LGALS9: variants seen among roughly 807,000 people sequenced by gnomAD.
The protein encoded by LGALS9 is galectin 9, also known as galectin-9.
A neutral mutation model predicts 35.9 loss-of-function variants in LGALS9; 26 were observed. The observed-to-expected ratio is 0.72, with a 90% CI of 0.53 to 1.01. The LOEUF (loss-of-function observed/expected upper bound fraction) is 1.01, where lower values mean the gene tolerates loss of function less well. Ranked by LOEUF, LGALS9 falls within the 50% of genes least tolerant of loss-of-function variation. The pLI, the probability that LGALS9 is intolerant of heterozygous loss-of-function variation, is 0.00. For synonymous variants in LGALS9, 149 were observed against 172.2 expected, an observed-to-expected ratio of 0.87 and a Z score of 1.06; for missense variants, 347 against 445.8, an observed-to-expected ratio of 0.78 and a Z score of 1.99.
intron 4 of LGALS9, chr17:27,642,550 G>A (rs1488778307): frequency 8.7e-6 from 10 of 1,142,902 alleles, no homozygotes; most frequent in Non-Finnish European, 1.2e-5. Context: ...TCTCTGTCCG[G>A]AACACCTGCC....
chr17:27,646,946 C>T, intron 8 of LGALS9, 84 bp from the exon 9 acceptor site: 1 of 1,586,598 alleles, frequency 6.3e-7, no homozygotes, highest in Non-Finnish European at 8.6e-7. Flanking sequence ...TGGGCTTCTT[C>T]TCAGCTGACA....
intron 1 of LGALS9, among the ~76,000 whole-genome samples, chr17:27,632,535 G>A (rs999223258): frequency 6.6e-6 from 1 of 152,248 alleles, no homozygotes; most frequent in East Asian, 1.9e-4. Flanking sequence ...GCACAGAGGG[G>A]GCTGGGGGAA....
In LGALS9 at chr17:27,647,257, C is replaced by A; in HGVS notation, c.759-13C>A. The A allele has an allele frequency of 6.2e-7, 1 of 1,613,628 alleles. No homozygotes were observed. Among genetic ancestry groups the A allele is most frequent in the Non-Finnish European group, 8.5e-7 (1 of 1,180,034 alleles). On this transcript the variant is annotated splice_polypyrimidine_tract_variant and intron_variant, in intron 9 of 10. Transcript: ENST00000395473. ...TTCGGTGGATAAAGGTTCAGGTGGG[C>A]TGCCCACCCCAGGTTCCACATCAAC...
Position 27,631,321 on chromosome 17 carries a change from T to C in LGALS9, c.39+17T>C, listed in dbSNP as rs1377047649. The C allele has an allele frequency of 6.2e-7, 1 of 1,614,032 alleles. No individual in the cohort carries two copies. The highest frequency in any genetic ancestry group is 8.5e-7 in the Non-Finnish European group (1 of 1,179,992). The stretch of plus-strand genomic sequence containing the variant: ...CTGAGTCCAGTGAGTTCCAGGGCTA[T>C]GGGCACAGGGCTGCCTCAGCCAGAG... On this transcript the variant is annotated intron_variant, in intron 1 of 10. Coordinates refer to ENST00000395473, the MANE Select transcript of LGALS9 (RefSeq NM_009587.3).
chr17:27,636,483 G>T (rs558279856), intron 1 of LGALS9, among the ~76,000 whole-genome samples: 26 of 152,196 alleles, frequency 1.7e-4, no homozygotes, highest in Non-Finnish European at 7.4e-5. Flanking sequence ...AATTTGGGGG[G>T]TTTCAAGACA....
intron 2 of LGALS9, 107 bp from the exon 3 acceptor site, chr17:27,640,465 G>T (rs888093529): frequency 6.7e-7 from 1 of 1,490,554 alleles, no homozygotes; most frequent in Non-Finnish European, 9.3e-7. Flanking sequence ...CATACAGGTT[G>T]TGTGCAAGAT....
Position 27,649,146 on chromosome 17 carries a change from G to A in LGALS9, c.*164G>A. 6.2e-6 allele frequency: 7 copies of A among 1,129,732 alleles called. No homozygotes were observed. The highest frequency in any genetic ancestry group is 8.8e-6 in the Non-Finnish European group (7 of 796,114). 70.0% of individuals were successfully genotyped at this position (1,129,732 alleles called of 1,614,324 possible). A position where few individuals can be genotyped will look rare whatever the true frequency, so the allele number is the denominator to read the frequency against. On this transcript the variant is annotated 3_prime_UTR_variant, in exon 11 of 11. Coordinates refer to ENST00000395473, the MANE Select transcript of LGALS9 (RefSeq NM_009587.3). ...CCTGCTTCTGGCTACAGCCACCCTG[G>A]AACGGAGAAGGCAGCTGACGGGGAT...
intron 1 of LGALS9, among the ~76,000 whole-genome samples, chr17:27,636,435 C>T (rs1304941210): frequency 6.6e-6 from 1 of 152,134 alleles, no homozygotes; most frequent in African/African-American, 2.4e-5. Context: ...GATACCATTC[C>T]ATTTCAAATA....
Position 27,649,317 on chromosome 17 carries a change from C to T in LGALS9, c.*335C>T, listed in dbSNP as rs1295502499. ...TCCCCTCCCATCCCCCACGCAGCTC[C>T]ACCCCAGTCCCAAGCCACCAGCTGT... On this transcript the variant is annotated 3_prime_UTR_variant, in exon 11 of 11. Coordinates refer to ENST00000395473, the MANE Select transcript of LGALS9 (RefSeq NM_009587.3). The T allele has an allele frequency of 2.0e-5, 8 of 391,024 alleles. No individual in the cohort carries two copies. Among genetic ancestry groups the T allele is most frequent in the Middle Eastern group, 7.6e-4 (1 of 1,312 alleles). The allele number at this position is 391,024 out of a possible 1,614,324, so 24.2% of individuals were successfully genotyped here. A position where few individuals can be genotyped will look rare whatever the true frequency, so the allele number is the denominator to read the frequency against.
chr17:27,635,272 C>CA (rs2074435127), intron 1 of LGALS9, among the ~76,000 whole-genome samples: 13 of 152,070 alleles, frequency 8.5e-5, no homozygotes, highest in Admixed American at 3.9e-4. Flanking sequence ...CCCATCTTTA[C>CA]AAAAAATATT....
intron 1 of LGALS9, among the ~76,000 whole-genome samples, chr17:27,636,186 C>T (rs898618593): frequency 6.6e-6 from 1 of 152,158 alleles, no homozygotes; most frequent in African/African-American, 2.4e-5. Context: ...CAATACAGAC[C>T]AGAAAGCAGT....
intron 10 of LGALS9, among the ~76,000 whole-genome samples, chr17:27,647,860 A>G (rs749802127): frequency 3.9e-5 from 6 of 152,244 alleles, no homozygotes; most frequent in Non-Finnish European, 7.3e-5. Flanking sequence ...GGAAAGAACA[A>G]GGAAAGTAAA....
intron 9 of LGALS9, 47 bp from the exon 10 acceptor site, chr17:27,647,223 G>C: frequency 6.2e-7 from 1 of 1,613,522 alleles, no homozygotes; most frequent in Non-Finnish European, 8.5e-7. Context: ...GAGGAAATGG[G>C]ACTCAGAATT....
At chr17:27,636,977 A>G (rs187595238) in intron 1 of LGALS9, among the ~76,000 whole-genome samples, 119 of 152,144 alleles carry the variant, frequency 7.8e-4, no homozygotes, top group Admixed American at 2.3e-3. Context: ...CACAGTCCCC[A>G]CCACTCCCCC....
intron 1 of LGALS9, among the ~76,000 whole-genome samples, chr17:27,637,547 G>A (rs917204378): frequency 4.6e-5 from 7 of 152,198 alleles, no homozygotes; most frequent in Admixed American, 4.6e-4. Flanking sequence ...GGATGGGTGG[G>A]GAAACCACGC....
Position 27,640,545 on chromosome 17 carries a change from AAG to A in LGALS9, c.132-25_132-24del, listed in dbSNP as rs1904390421. 3 of 1,613,828 alleles carry A rather than the reference AAG, an allele frequency of 1.9e-6. No individual in the cohort carries two copies. In the East Asian group the frequency reaches 6.7e-5, roughly 36 times the overall value. On this transcript the variant is annotated intron_variant, in intron 2 of 10. Coordinates refer to ENST00000395473, the MANE Select transcript of LGALS9 (RefSeq NM_009587.3). ...TCACTGGCAATAATCCATGCCACAG[AAG>A]ACTATTTGCTTTCCCTGGGCCTAGG...
chr17:27,649,008 G>C lies in LGALS9; in HGVS notation c.*26G>C. 1 of 1,613,752 alleles carries C rather than the reference G, an allele frequency of 6.2e-7. No homozygotes were observed. On this transcript the variant is annotated 3_prime_UTR_variant, in exon 11 of 11. Transcript: ENST00000395473. Reference sequence around the variant, plus strand: ...GCGGCTTCCTGGCCCTGGGGCCGGGGGCTGGGGTGTGGGGCAGTCTGGGTC... The same window carrying C: ...GCGGCTTCCTGGCCCTGGGGCCGGGCGCTGGGGTGTGGGGCAGTCTGGGTC...
At chr17:27,636,063 G>A (rs1410503528) in intron 1 of LGALS9, among the ~76,000 whole-genome samples, 1 of 152,168 alleles carries the variant, frequency 6.6e-6, no homozygotes, top group Non-Finnish European at 1.5e-5. Flanking sequence ...AAATCCATGG[G>A]GAGCAGAGTC....
Position 27,646,607 on chromosome 17 carries a change from AG to A in LGALS9, c.669+22del. 1 of 1,612,860 alleles carries A rather than the reference AG, an allele frequency of 6.2e-7. No individual in the cohort carries two copies. Among genetic ancestry groups the A allele is most frequent in the Non-Finnish European group, 8.5e-7 (1 of 1,179,978 alleles). ...CGCCTATGTAAGTGGTTTCTCAGGG[AG>A]GGCAGAGGTTCTGTTTGTGGTGGGC... On this transcript the variant is annotated intron_variant, in intron 8 of 10. Coordinates refer to ENST00000395473, the MANE Select transcript of LGALS9 (RefSeq NM_009587.3).
Sources: gnomAD v4.1 joint callset for allele counts (sites outside exome capture counted in the v4.1 genomes callset) on GRCh38, gnomAD v4.1.1 for gene constraint, MANE v1.5 for transcripts, NCBI Gene and HGNC (gene_info 2026-07-23, HGNC 2026-07-21) for gene names.